The following ARFGEF3 variants were observed in gnomAD, a reference collection of about 807,000 sequenced individuals.
The protein encoded by ARFGEF3 is ARFGEF family member 3, also known as brefeldin A-inhibited guanine nucleotide-exchange protein 3.
A neutral mutation model predicts 221.7 loss-of-function variants in ARFGEF3; 96 were observed. The ratio of observed to expected loss-of-function variants is 0.43; its 90% CI spans 0.37 to 0.51. ARFGEF3 has a LOEUF of 0.51. Ranked by LOEUF, ARFGEF3 falls within the 20% of genes least tolerant of loss-of-function variation. ARFGEF3 has a pLI of 0.00. For missense variants in ARFGEF3, 2,410 were observed against 2,789.9 expected, an observed-to-expected ratio of 0.86 and a Z score of 3.07; for synonymous variants, 1,145 against 1,126.8, an observed-to-expected ratio of 1.02 and a Z score of -0.32.
intron 2 of ARFGEF3, among the ~76,000 whole-genome samples, chr6:138,171,123 C>T (rs969139505): frequency 3.9e-5 from 6 of 151,946 alleles, no homozygotes; most frequent in East Asian, 3.8e-4. Flanking sequence ...TTGGGGATTA[C>T]GTTTCCAACA....
Position 138,334,037 on chromosome 6 carries a change from A to G in ARFGEF3, c.5191A>G (p.Ile1731Val), listed in dbSNP as rs1211100294. Reference protein sequence around the residue: ...HQVLLQNLYDILLEEFVKGPS... With the variant: ...HQVLLQNLYDVLLEEFVKGPS... ...GGTGTTACTCCAGAACTTATATGAC[A>G]TCTTGTTAGAAGAGTTTGTCAAAGG... is the stretch of plus-strand genomic sequence containing the variant. The change falls in exon 33 of 34, where the codon ATC (isoleucine) becomes GTC (valine). Residue 1731 changes from isoleucine (I) to valine (V), a missense_variant. Around this residue, in one of 5 missense-constraint regions of ARFGEF3, gnomAD observed 723 missense variants for 991.9 expected, o/e 0.73. Transcript: ENST00000251691. The surrounding 1 kb of genome is among the most constrained non-coding windows in gnomAD (Gnocchi z 5.1). The G allele has an allele frequency of 1.3e-5, 21 of 1,613,840 alleles. No homozygotes were observed. The highest frequency in any genetic ancestry group is 1.7e-5 in the Non-Finnish European group (20 of 1,179,892).
chr6:138,176,641 G>A (rs1330082274), intron 2 of ARFGEF3, among the ~76,000 whole-genome samples: 1 of 151,686 alleles, frequency 6.6e-6, no homozygotes, highest in Non-Finnish European at 1.5e-5. Flanking sequence ...TCTGTGGTTT[G>A]GTGGAATTCT....
chr6:138,279,331 T>C (rs1475759757), intron 13 of ARFGEF3, among the ~76,000 whole-genome samples: 1 of 152,224 alleles, frequency 6.6e-6, no homozygotes, highest in Non-Finnish European at 1.5e-5. Context: ...GGTGTGCACT[T>C]ATAAAAACTC....
At chr6:138,279,390 A>G (rs867989846) in intron 13 of ARFGEF3, among the ~76,000 whole-genome samples, 1 of 152,168 alleles carries the variant, frequency 6.6e-6, no homozygotes, top group Non-Finnish European at 1.5e-5. Flanking sequence ...CCCAGAACTA[A>G]GCTCACTGGC....
At chr6:138,200,021 A>T (rs1361240912) in intron 2 of ARFGEF3, among the ~76,000 whole-genome samples, 1 of 152,112 alleles carries the variant, frequency 6.6e-6, no homozygotes, top group African/African-American at 2.4e-5. Context: ...TTTGTCATAG[A>T]TGGCTTTTAT....
chr6:138,298,890 T>A (rs1779573716), intron 22 of ARFGEF3, 105 bp downstream of exon 22: 5 of 888,430 alleles, frequency 5.6e-6, no homozygotes, highest in South Asian at 5.4e-5. Flanking sequence ...TAATCCTATG[T>A]GGAATCTGTA....
At chr6:138,163,986 A>G (rs1177580086) in intron 1 of ARFGEF3, among the ~76,000 whole-genome samples, 1 of 152,192 alleles carries the variant, frequency 6.6e-6, no homozygotes, top group Non-Finnish European at 1.5e-5. Context: ...TGGGGAAGCT[A>G]TGGGTTCCTT....
chr6:138,265,069 A>G (rs1778865489), intron 12 of ARFGEF3, among the ~76,000 whole-genome samples: 1 of 151,874 alleles, frequency 6.6e-6, no homozygotes, highest in Non-Finnish European at 1.5e-5. Flanking sequence ...ACACCGGGCT[A>G]ATTTTTTGTA....
intron 2 of ARFGEF3, among the ~76,000 whole-genome samples, chr6:138,182,263 CAGA>C (rs1777091093): frequency 1.3e-5 from 2 of 152,278 alleles, no homozygotes; most frequent in South Asian, 4.1e-4. Flanking sequence ...TGACTTAATA[CAGA>C]AGATTTTTTA....
chr6:138,178,665 C>T (rs1372657810), intron 2 of ARFGEF3, among the ~76,000 whole-genome samples: 3 of 152,122 alleles, frequency 2.0e-5, no homozygotes, highest in Non-Finnish European at 2.9e-5. Context: ...ATGTCAGTGC[C>T]TTATAAATGT....
rs983648520 is a variant in ARFGEF3 at position 138,337,752 on chromosome 6, C to A, written c.*1266C>A. On this transcript the variant is annotated 3_prime_UTR_variant, in exon 34 of 34. Coordinates refer to ENST00000251691, the MANE Select transcript of ARFGEF3 (RefSeq NM_020340.5). ...TATTTCTAAGTATTACTAGAAAATA[C>A]GTTTGAAAGCTTTATCTTATTATTT... 6.6e-6 allele frequency: 1 copy of A among 152,130 alleles called. No homozygotes were observed. Among genetic ancestry groups the A allele is most frequent in the East Asian group, 1.9e-4 (1 of 5,196 alleles). The allele number at this position is 152,130 out of a possible 1,614,324, so 9.4% of individuals were successfully genotyped here.
intron 12 of ARFGEF3, among the ~76,000 whole-genome samples, chr6:138,278,163 G>C (rs1473692696): frequency 6.6e-6 from 1 of 152,132 alleles, no homozygotes; most frequent in Non-Finnish European, 1.5e-5. Context: ...TCTTATTATA[G>C]GAAAAGAAGG....
intron 17 of ARFGEF3, among the ~76,000 whole-genome samples, chr6:138,287,762 G>A (rs541332842): frequency 4.6e-5 from 7 of 152,298 alleles, no homozygotes; most frequent in Admixed American, 4.6e-4. Context: ...ATACAAGGCA[G>A]GCAGCAAACA....
At chr6:138,276,530 A>G (rs1158291950) in intron 12 of ARFGEF3, among the ~76,000 whole-genome samples, 1 of 152,174 alleles carries the variant, frequency 6.6e-6, no homozygotes, top group Admixed American at 6.5e-5. Flanking sequence ...GAGAAAGTCA[A>G]TAGCTATTAT....
At chr6:138,285,717 A>G (rs1779274711) in intron 14 of ARFGEF3, among the ~76,000 whole-genome samples, 1 of 152,240 alleles carries the variant, frequency 6.6e-6, no homozygotes, top group Non-Finnish European at 1.5e-5. Flanking sequence ...ATCTATTTTT[A>G]AATAAAGATA....
At position 138,245,605 on chromosome 6, in the gene ARFGEF3, C is replaced by G; in HGVS notation, c.665+14C>G. The G allele has an allele frequency of 6.3e-7, 1 of 1,592,244 alleles. No individual in the cohort carries two copies. The highest frequency in any genetic ancestry group is 1.1e-5 in the South Asian group (1 of 88,180). On this transcript the variant is annotated intron_variant, in intron 8 of 33. Transcript: ENST00000251691. ...AGCCGCCATAAAGTAAGTGCCCTAACCACTGCCGCTTTTCTTTACCAGTGG... is the reference window on the plus strand; with the variant it reads ...AGCCGCCATAAAGTAAGTGCCCTAAGCACTGCCGCTTTTCTTTACCAGTGG...
At chr6:138,173,083 G>A (rs1776871020) in intron 2 of ARFGEF3, among the ~76,000 whole-genome samples, 1 of 152,066 alleles carries the variant, frequency 6.6e-6, no homozygotes, top group Non-Finnish European at 1.5e-5. Context: ...AAATGGAATG[G>A]AAATACAATA....
chr6:138,283,392 TTA>T (rs1200370247), intron 14 of ARFGEF3, among the ~76,000 whole-genome samples: 1 of 152,240 alleles, frequency 6.6e-6, no homozygotes, highest in African/African-American at 2.4e-5. Context: ...GCCATCGCTG[TTA>T]TTAATGGAAC....
chr6:138,278,763 G>A lies in ARFGEF3; in HGVS notation c.2295+146G>A, dbSNP rs145277727. On this transcript the variant is annotated intron_variant, in intron 13 of 33. Transcript: ENST00000251691. ...TGGTAATGCCAGTGGGACTTTGGGG[G>A]ATGGAAGGAGATGACATATATATAA... 8.5e-4 allele frequency: 635 copies of A among 750,190 alleles called. 3 individuals are homozygous for A. The African/African-American group carries it at 0.01, about 12-fold the overall frequency. 46.5% of individuals were successfully genotyped at this position (750,190 alleles called of 1,614,324 possible).
Sources: allele counts gnomAD v4.1 joint callset (sites outside exome capture counted in the v4.1 genomes callset), GRCh38; gene constraint gnomAD v4.1.1; regional missense constraint gnomAD v4.1.1; non-coding constraint Gnocchi (gnomAD v3.1); transcripts MANE v1.5; gene names NCBI Gene and HGNC (gene_info 2026-07-23, HGNC 2026-07-21).